The following BRPF3 variants were observed in gnomAD, a reference collection of about 807,000 sequenced individuals.
BRPF3 encodes the protein bromodomain and PHD finger containing 3.
BRPF3 carries 18 observed loss-of-function variants against 102.0 expected under a neutral mutation model. The ratio of observed to expected loss-of-function variants is 0.18; its 90% confidence interval spans 0.12 to 0.26. The LOEUF is 0.26. BRPF3 is among the 10% of genes least tolerant of loss of function. BRPF3 has a pLI of 1.00. For synonymous variants in BRPF3, 570 were observed against 614.2 expected (o/e 0.93, Z 1.06); for missense variants, 1,147 against 1,567.8 (o/e 0.73, Z 4.53).
intron 12 of BRPF3, 120 bp downstream of exon 12, chr6:36,229,176 G>T: frequency 7.8e-7 from 1 of 1,288,922 alleles, no homozygotes. Context: ...GTCTCCACTT[G>T]CCAGCAACAG....
chr6:36,224,168 C>T (rs1404115395), intron 10 of BRPF3, among the ~76,000 whole-genome samples: 11 of 152,036 alleles, frequency 7.2e-5, no homozygotes, highest in Admixed American at 5.9e-4. Flanking sequence ...TTGAGACCAG[C>T]CTGGGCAACA....
intron 2 of BRPF3, among the ~76,000 whole-genome samples, chr6:36,202,473 A>G (rs367930857): frequency 3.5e-4 from 49 of 141,956 alleles, no homozygotes; most frequent in African/African-American, 1.2e-3. Flanking sequence ...GTTTTAAAAC[A>G]TCAGAGAGGT....
chr6:36,222,091 G>A (rs934908071), intron 9 of BRPF3, 77 bp from the exon 10 acceptor site: 1 of 1,393,948 alleles, frequency 7.2e-7, no homozygotes, highest in South Asian at 1.2e-5. Flanking sequence ...TCAGAGAGGG[G>A]AGAGGGGAGA....
At chr6:36,227,342 C>T (rs1202037505) in intron 11 of BRPF3, among the ~76,000 whole-genome samples, 1 of 152,104 alleles carries the variant, frequency 6.6e-6, no homozygotes, top group African/African-American at 2.4e-5. Context: ...ATGTTGACTC[C>T]AAGCATTTTG....
intron 3 of BRPF3, among the ~76,000 whole-genome samples, chr6:36,206,082 G>T (rs111910450): frequency 0.012 from 1,843 of 152,180 alleles, 17 homozygotes; most frequent in Middle Eastern, 0.041. Flanking sequence ...TATCAACATG[G>T]GTTTTTGTCT....
intron 10 of BRPF3, among the ~76,000 whole-genome samples, chr6:36,223,674 A>C (rs183684982): frequency 6.7e-4 from 102 of 152,276 alleles, no homozygotes; most frequent in African/African-American, 2.2e-3. Context: ...TTATTGGAAC[A>C]GTGTATCTAA....
At chr6:36,217,428 C>T (rs1005774173) in intron 8 of BRPF3, among the ~76,000 whole-genome samples, 2 of 152,146 alleles carry the variant, frequency 1.3e-5, no homozygotes, top group Admixed American at 6.5e-5. Flanking sequence ...CTCTTGACAC[C>T]ACCCCCAAAG....
At position 36,200,438 on chromosome 6, in the gene BRPF3, G is replaced by C. The variant is rs1581939469; in HGVS notation, c.116G>C (p.Arg39Pro). 6.2e-7 allele frequency: 1 copy of C among 1,614,104 alleles called. No individual in the cohort carries two copies. Among genetic ancestry groups the C allele is most frequent in the Non-Finnish European group, 8.5e-7 (1 of 1,180,050 alleles). The change falls in exon 2 of 13, where the codon CGG becomes CCG. Residue 39 changes from arginine (R) to proline (P), a missense_variant. Transcript: ENST00000357641. The surrounding 1 kb of genome is among the most constrained non-coding windows in gnomAD (Gnocchi z 5.3). ...ACCCTGACATATGCCCAGGCCCAGCGGATTGTCGAGGTAGACATTGATGGA... is the reference window on the plus strand; with the variant it reads ...ACCCTGACATATGCCCAGGCCCAGCCGATTGTCGAGGTAGACATTGATGGA... Reference protein sequence around the residue: ...RETLTYAQAQRIVEVDIDGRL... With the variant: ...RETLTYAQAQPIVEVDIDGRL...
chr6:36,211,685 C>T (rs1376122010), intron 7 of BRPF3, 125 bp downstream of exon 7: 17 of 1,124,034 alleles, frequency 1.5e-5, no homozygotes, highest in Non-Finnish European at 2.0e-5. Flanking sequence ...AGCAAAAGTG[C>T]TTGGAAGGGC....
intron 11 of BRPF3, among the ~76,000 whole-genome samples, chr6:36,227,283 T>C (rs2127297739): frequency 6.6e-6 from 1 of 152,310 alleles, no homozygotes; most frequent in African/African-American, 2.4e-5. Flanking sequence ...TACTGCATTA[T>C]AGAAGTTTGG....
chr6:36,206,787 A>G (rs1465578537), intron 3 of BRPF3, among the ~76,000 whole-genome samples: 1 of 152,098 alleles, frequency 6.6e-6, no homozygotes, highest in East Asian at 1.9e-4. Flanking sequence ...TCCAGTTTAT[A>G]TTATTAGTTT....
intron 1 of BRPF3, among the ~76,000 whole-genome samples, chr6:36,199,121 G>A (rs888355435): frequency 2.0e-5 from 3 of 152,148 alleles, no homozygotes; most frequent in Non-Finnish European, 4.4e-5. Context: ...CCCCCAGGCC[G>A]CAGACTGTGG....
At chr6:36,224,131 G>A (rs1768647624) in intron 10 of BRPF3, among the ~76,000 whole-genome samples, 1 of 152,206 alleles carries the variant, frequency 6.6e-6, no homozygotes, top group South Asian at 2.1e-4. Flanking sequence ...GGAAGCCAAG[G>A]TGGGAGGGTT....
At position 36,225,339 on chromosome 6, in the gene BRPF3, G is replaced by A. The variant is rs1768697751; in HGVS notation, c.3254G>A (p.Arg1085Gln). Residue 1085 changes from arginine to glutamine, a missense_variant, in exon 11 of 13, where the codon CGA becomes CAA. Physicochemically the swap from Arg to Gln is conservative, Grantham distance 43 (BLOSUM62 1). Coordinates refer to ENST00000357641, the MANE Select transcript of BRPF3 (RefSeq NM_015695.3). ...TTGGAGCTGGTGTGGGCCAAGTGCC[G>A]AGGCTACCCCTCCTACCCTGCCTTG... ...EPLELVWAKC[R>Q]GYPSYPALII... 5 of 1,610,456 alleles carry A rather than the reference G, an allele frequency of 3.1e-6. No homozygotes were observed. The highest frequency in any genetic ancestry group is 2.2e-5 in the East Asian group (1 of 44,886).
intron 10 of BRPF3, among the ~76,000 whole-genome samples, chr6:36,224,799 T>C (rs1768674808): frequency 6.6e-6 from 1 of 152,246 alleles, no homozygotes; most frequent in Non-Finnish European, 1.5e-5. Context: ...AACTATGGCC[T>C]GTAGCCTATT....
In BRPF3 at chr6:36,210,410, G is replaced by T; in HGVS notation, c.2061G>T (p.Gly687=). The T allele has an allele frequency of 6.2e-7, 1 of 1,613,992 alleles. No homozygotes were observed. Among genetic ancestry groups the T allele is most frequent in the East Asian group, 2.2e-5 (1 of 44,874 alleles). Residue 687 remains glycine, a synonymous_variant, in exon 6 of 13, where the codon GGG becomes GGT. Transcript: ENST00000357641. The surrounding 1 kb of genome is among the most constrained non-coding windows in gnomAD (Gnocchi z 4.7). ...RAAVRLRDLG[G]AILRHARRQA... The stretch of plus-strand genomic sequence containing the variant: ...CTGTCCGCCTGCGGGACCTGGGAGG[G>T]GCCATCCTACGGCACGCCCGGCGGC...
In BRPF3 at chr6:36,209,772, C is replaced by A. The variant is rs1403958628; in HGVS notation, c.1738-15C>A. The A allele has an allele frequency of 6.2e-7, 1 of 1,613,052 alleles. No homozygotes were observed. ...GGGGATGTTCTGATCTGATCTCACC[C>A]CACCTTCCCCACAGGTCAAAGTCCA... On this transcript the variant is annotated splice_polypyrimidine_tract_variant and intron_variant, in intron 4 of 12. Coordinates refer to ENST00000357641, the MANE Select transcript of BRPF3 (RefSeq NM_015695.3).
chr6:36,212,332 G>C (rs909251677), intron 7 of BRPF3, among the ~76,000 whole-genome samples: 2 of 152,038 alleles, frequency 1.3e-5, no homozygotes, highest in African/African-American at 4.8e-5. Context: ...GCACACAGTC[G>C]AAAAGGCTGG....
rs531428048 is a variant in BRPF3 at position 36,201,420 on chromosome 6, C to T, written c.1098C>T (p.Arg366=). 51 of 1,614,146 alleles carry T rather than the reference C, an allele frequency of 3.2e-5. No homozygotes were observed. The highest frequency in any genetic ancestry group is 2.3e-4 in the African/African-American group (17 of 75,030). ...TCTTCATGAAGATTGAGCCCATGCGCGAAACCAGCCTCAATGGCACCATCT... is the reference window on the plus strand; with the variant it reads ...TCTTCATGAAGATTGAGCCCATGCGTGAAACCAGCCTCAATGGCACCATCT... The part of the protein sequence containing the change: ...AGLFMKIEPM[R]ETSLNGTIFT... The change falls in exon 2 of 13, where the codon CGC becomes CGT. Residue 366 remains arginine (R), a synonymous_variant. Transcript: ENST00000357641. The surrounding 1 kb of genome is among the most constrained non-coding windows in gnomAD (Gnocchi z 5.1).
Sources: gnomAD v4.1 joint callset for allele counts (sites outside exome capture counted in the v4.1 genomes callset) on GRCh38, gnomAD v4.1.1 for gene constraint, Gnocchi (gnomAD v3.1) non-coding constraint, MANE v1.5 for transcripts, NCBI Gene and HGNC (gene_info 2026-07-23, HGNC 2026-07-21) for gene names.